Variants in MCF2L2 observed in about 807,000 individuals in gnomAD.
MCF2L2 encodes the protein MCF.2 cell line derived transforming sequence-like 2, also known as probable guanine nucleotide exchange factor MCF2L2.
In MCF2L2, 102 loss-of-function variants were observed where a neutral mutation model predicts 150.2. That is an observed-to-expected ratio of 0.68 (90% CI 0.58 to 0.80). The LOEUF (loss-of-function observed/expected upper bound fraction) is 0.80, where lower values mean the gene tolerates loss of function less well. Among genes scored for constraint, MCF2L2 ranks in the 30% least tolerant of loss-of-function variants. The pLI, the probability that MCF2L2 is intolerant of heterozygous loss-of-function variation, is 0.00. For missense variants in MCF2L2, 1,256 were observed against 1,372.8 expected, an observed-to-expected ratio of 0.91 and a Z score of 1.34; for synonymous variants, 465 against 491.3, an observed-to-expected ratio of 0.95 and a Z score of 0.71.
intron 22 of MCF2L2, among the ~76,000 whole-genome samples, chr3:183,208,619 T>C (rs1275869958): frequency 6.6e-6 from 1 of 152,224 alleles, no homozygotes; most frequent in Non-Finnish European, 1.5e-5. Flanking sequence ...TTTTATCTGG[T>C]ATTTTTCAAA....
chr3:183,241,826 T>C (rs1724038560), intron 15 of MCF2L2, among the ~76,000 whole-genome samples: 1 of 152,168 alleles, frequency 6.6e-6, no homozygotes, highest in South Asian at 2.1e-4. Context: ...GAAGATGTGG[T>C]AAAGTTTGGA....
chr3:183,407,758 C>T (rs78418551), intron 1 of MCF2L2, among the ~76,000 whole-genome samples: 3,515 of 152,192 alleles, frequency 0.023, 146 homozygotes, highest in African/African-American at 0.08. Flanking sequence ...TCACAGCCTG[C>T]GGGCTTGTTC....
intron 1 of MCF2L2, among the ~76,000 whole-genome samples, chr3:183,403,220 C>T (rs1330309374): frequency 2.0e-5 from 3 of 152,046 alleles, no homozygotes; most frequent in East Asian, 1.9e-4. Flanking sequence ...TGCAGTGAGC[C>T]GAGACTGCAC....
Position 183,309,802 on chromosome 3 carries a change from G to C in MCF2L2, c.1027C>G (p.Gln343Glu). ...KLALDNLLEE[Q>E]AEFTGIGDSV... is the part of the protein sequence containing the mutation. ...TCTCCAATGCCTGTAAACTCTGCTT[G>C]CTCTTCCAGCAAATTATCCAGGGCA... The change falls in exon 10 of 30, where the codon CAA becomes GAA. Residue 343 changes from glutamine (Q) to glutamate (E), a missense_variant. Transcript: ENST00000328913. 6.2e-7 allele frequency: 1 copy of C among 1,613,820 alleles called. No individual in the cohort carries two copies.
intron 27 of MCF2L2, among the ~76,000 whole-genome samples, chr3:183,186,237 T>C (rs1316988432): frequency 1.3e-5 from 2 of 152,170 alleles, no homozygotes; most frequent in African/African-American, 4.8e-5. Flanking sequence ...AATTTTAGTA[T>C]GGCTCCATTT....
intron 5 of MCF2L2, among the ~76,000 whole-genome samples, chr3:183,333,422 T>C (rs550841907): frequency 9.2e-5 from 14 of 152,264 alleles, no homozygotes; most frequent in African/African-American, 3.1e-4. Context: ...AGTAATAAAT[T>C]TGAACAGAAA....
Position 183,229,111 on chromosome 3 carries a change from G to A in MCF2L2, c.2045+555C>T, listed in dbSNP as rs536872235. Among the ~76,000 whole-genome samples the A allele has an allele frequency of 3.9e-5, 6 of 152,256 alleles. No individual in the cohort carries two copies. The South Asian group carries it at 6.2e-4, about 16-fold the overall frequency. On this transcript the variant is annotated intron_variant, in intron 17 of 29. Transcript: ENST00000328913. ...TGTGCAATCTTGGGGTCATCATAGCGAATAAAGAGAGTTAACAAGTTACCA... is the reference window on the plus strand; with the variant it reads ...TGTGCAATCTTGGGGTCATCATAGCAAATAAAGAGAGTTAACAAGTTACCA...
intron 3 of MCF2L2, among the ~76,000 whole-genome samples, chr3:183,363,614 T>C (rs1712345232): frequency 6.6e-6 from 1 of 152,118 alleles, no homozygotes; most frequent in South Asian, 2.1e-4. Context: ...ATGGTGCATG[T>C]CTGTAGACCC....
chr3:183,323,378 T>C lies in MCF2L2; in HGVS notation c.487-27A>G. 2.5e-6 allele frequency: 3 copies of C among 1,193,640 alleles called. No homozygotes were observed. In the South Asian group the frequency reaches 3.7e-5, roughly 15 times the overall value. The allele number at this position is 1,193,640 out of a possible 1,614,324, so 73.9% of individuals were successfully genotyped here. A position where few individuals can be genotyped will look rare whatever the true frequency, so the allele number is the denominator to read the frequency against. ...TGTAAGGTAAAAATTTAATTAAACA[T>C]ACTCCTCATTGATCATTAAATAATA... On this transcript the variant is annotated intron_variant, in intron 5 of 29. Coordinates refer to ENST00000328913, the MANE Select transcript of MCF2L2 (RefSeq NM_015078.4).
At chr3:183,339,776 A>C (rs534950747) in intron 4 of MCF2L2, among the ~76,000 whole-genome samples, 9 of 152,048 alleles carry the variant, frequency 5.9e-5, no homozygotes, top group African/African-American at 2.2e-4. Flanking sequence ...TTTTTTTCTA[A>C]ATCAGGTCTT....
intron 25 of MCF2L2, among the ~76,000 whole-genome samples, chr3:183,198,215 G>A (rs892212984): frequency 2.6e-5 from 4 of 152,054 alleles, no homozygotes; most frequent in African/African-American, 4.8e-5. Context: ...TAAAGAAAAC[G>A]GGGTCTAGCC....
intron 1 of MCF2L2, among the ~76,000 whole-genome samples, chr3:183,421,971 T>C (rs1326722210): frequency 6.6e-6 from 1 of 152,200 alleles, no homozygotes; most frequent in Non-Finnish European, 1.5e-5. Context: ...CCCTTTCTGA[T>C]CTCTCTGTTG....
At chr3:183,281,791 C>A (rs1176693723) in intron 14 of MCF2L2, among the ~76,000 whole-genome samples, 2 of 151,880 alleles carry the variant, frequency 1.3e-5, no homozygotes, top group South Asian at 2.1e-4. Flanking sequence ...GAGGAACAAG[C>A]CTCAGTGTTC....
At chr3:183,376,272 T>C (rs1713183085) in intron 3 of MCF2L2, 3 of 152,226 alleles carry the variant, frequency 2.0e-5, no homozygotes. Context: ...TCAGCGTGAT[T>C]TGGAAAAGGC....
intron 1 of MCF2L2, among the ~76,000 whole-genome samples, chr3:183,410,235 A>C (rs904530386): frequency 6.6e-6 from 1 of 152,190 alleles, no homozygotes; most frequent in African/African-American, 2.4e-5. Context: ...CAGTCACTGA[A>C]GCTCACAATA....
At chr3:183,373,203 T>C (rs944952950) in intron 3 of MCF2L2, 1 of 152,228 alleles carries the variant, frequency 6.6e-6, no homozygotes, top group Admixed American at 6.5e-5. Flanking sequence ...CCTGATGGGC[T>C]AAAACTGGCC....
At chr3:183,244,139 G>GA (rs1207919276) in intron 15 of MCF2L2, among the ~76,000 whole-genome samples, 1 of 149,756 alleles carries the variant, frequency 6.7e-6, no homozygotes, top group Non-Finnish European at 1.5e-5. Flanking sequence ...CAAAAAAAAA[G>GA]AAAAAAAAGA....
intron 1 of MCF2L2, among the ~76,000 whole-genome samples, chr3:183,391,265 T>C (rs1714129324): frequency 6.6e-6 from 1 of 151,774 alleles, no homozygotes; most frequent in Non-Finnish European, 1.5e-5. Flanking sequence ...AAAAGCCTTT[T>C]TTTGTTTTTT....
rs1000819029 is a variant in MCF2L2, at chr3:183,334,526, G to A, written c.486+4274C>T. On this transcript the variant is annotated intron_variant, in intron 5 of 29. Coordinates refer to ENST00000328913, the MANE Select transcript of MCF2L2 (RefSeq NM_015078.4). ...GAAAGGGCCGGGCATGGTGACTCAC[G>A]CCTGTAATACCGGCACTTTGGGAGG... Among the ~76,000 whole-genome samples the A allele has an allele frequency of 3.9e-5, 6 of 151,948 alleles. 1 individual carries two copies. Among genetic ancestry groups the A allele is most frequent in the African/African-American group, 9.7e-5 (4 of 41,346 alleles).
Sources: gnomAD v4.1 joint callset for allele counts (sites outside exome capture counted in the v4.1 genomes callset) on GRCh38, gnomAD v4.1.1 for gene constraint, MANE v1.5 for transcripts, NCBI Gene and HGNC (gene_info 2026-07-23, HGNC 2026-07-21) for gene names.